Variants in EIF4E observed in about 807,000 individuals in gnomAD.
EIF4E encodes eukaryotic translation initiation factor 4E, also known as eIF-4F 25 kDa subunit.
For missense variants in EIF4E, 113 were observed against 265.6 expected (o/e 0.43, Z 3.99); for synonymous variants, 71 against 88.5 (o/e 0.80, Z 1.11).
At chr4:98,885,363 A>G (rs1247649934) in intron 5 of EIF4E, among the ~76,000 whole-genome samples, 1 of 152,240 alleles carries the variant, frequency 6.6e-6, no homozygotes, top group Non-Finnish European at 1.5e-5. Context: ...GCAAACAAAT[A>G]TTAATAGAAT....
At chr4:98,905,309 C>A (rs192741304) in intron 1 of EIF4E, among the ~76,000 whole-genome samples, 1 of 151,804 alleles carries the variant, frequency 6.6e-6, no homozygotes, top group East Asian at 1.9e-4. Flanking sequence ...AAAGTAAAGG[C>A]TAATTTAGCA....
intron 1 of EIF4E, among the ~76,000 whole-genome samples, chr4:98,926,792 T>A (rs760375790): frequency 1.3e-5 from 2 of 152,180 alleles, no homozygotes; most frequent in Non-Finnish European, 2.9e-5. Context: ...TATAACTTTG[T>A]ATCCTAAAGA....
intron 2 of EIF4E, among the ~76,000 whole-genome samples, chr4:98,899,931 C>A (rs1724576847): frequency 6.7e-6 from 1 of 149,864 alleles, no homozygotes. Flanking sequence ...TGCTATTTTA[C>A]ACAAAAAGTA....
intron 2 of EIF4E, among the ~76,000 whole-genome samples, chr4:98,899,713 G>A (rs1429792196): frequency 6.6e-6 from 1 of 151,928 alleles, no homozygotes; most frequent in Non-Finnish European, 1.5e-5. Context: ...AAAACAATGA[G>A]GTAAAATATG....
At chr4:98,894,005 ATC>A (rs1724260243) in intron 2 of EIF4E, among the ~76,000 whole-genome samples, 3 of 152,230 alleles carry the variant, frequency 2.0e-5, no homozygotes, top group African/African-American at 7.2e-5. Context: ...AAAACAATTC[ATC>A]TCTGTCAGAG....
chr4:98,890,344 C>G (rs1040656332), intron 3 of EIF4E, among the ~76,000 whole-genome samples: 2 of 152,142 alleles, frequency 1.3e-5, no homozygotes, highest in Non-Finnish European at 2.9e-5. Context: ...ATTTAGATAA[C>G]TGCTAGGTAA....
chr4:98,928,300 G>T (rs886726698), intron 1 of EIF4E, among the ~76,000 whole-genome samples: 1 of 151,760 alleles, frequency 6.6e-6, no homozygotes, highest in African/African-American at 2.4e-5. Flanking sequence ...CTCCATGACA[G>T]CCCAGTCCCA....
At chr4:98,922,175 T>A (rs1160188668) in intron 1 of EIF4E, among the ~76,000 whole-genome samples, 2 of 152,192 alleles carry the variant, frequency 1.3e-5, no homozygotes, top group Non-Finnish European at 2.9e-5. Context: ...CTTTGGCTGC[T>A]TTAATTTAAA....
chr4:98,885,167 AAG>A lies in EIF4E; in HGVS notation c.400-108_400-107del, dbSNP rs1579148323. Reference sequence around the variant, plus strand: ...AGAAACTAAAGGCAGTTTTTAAATCAAGAGTTAATTTTTTAAATGTGTAAATT... The same window carrying A: ...AGAAACTAAAGGCAGTTTTTAAATCAAGTTAATTTTTTAAATGTGTAAATT... On this transcript the variant is annotated intron_variant, in intron 5 of 6. Coordinates refer to ENST00000450253, the MANE Select transcript of EIF4E (RefSeq NM_001968.5). 4 of 1,351,482 alleles carry A rather than the reference AAG, an allele frequency of 3.0e-6. No individual in the cohort carries two copies. In the East Asian group the frequency reaches 1.0e-4, roughly 34 times the overall value. The allele number at this position is 1,351,482 out of a possible 1,614,324, so 83.7% of individuals were successfully genotyped here.
chr4:98,898,428 G>A (rs1310623536), intron 2 of EIF4E, among the ~76,000 whole-genome samples: 2 of 152,064 alleles, frequency 1.3e-5, no homozygotes, highest in Non-Finnish European at 2.9e-5. Flanking sequence ...CCAACATGGT[G>A]AAACCCCGTC....
intron 1 of EIF4E, among the ~76,000 whole-genome samples, chr4:98,911,793 T>C (rs553836243): frequency 8.6e-5 from 13 of 151,314 alleles, no homozygotes; most frequent in African/African-American, 2.9e-4. Context: ...GCACATATTA[T>C]ATAGCTTAAG....
chr4:98,907,639 G>A (rs1724929560), intron 1 of EIF4E, among the ~76,000 whole-genome samples: 1 of 152,146 alleles, frequency 6.6e-6, no homozygotes, highest in African/African-American at 2.4e-5. Flanking sequence ...GAGCCATACT[G>A]CAAAATGGGT....
At chr4:98,898,425 G>A (rs1724509225) in intron 2 of EIF4E, among the ~76,000 whole-genome samples, 1 of 152,044 alleles carries the variant, frequency 6.6e-6, no homozygotes, top group Non-Finnish European at 1.5e-5. Flanking sequence ...TGGCCAACAT[G>A]GTGAAACCCC....
chr4:98,892,483 A>G (rs922952666), intron 2 of EIF4E, among the ~76,000 whole-genome samples: 2 of 152,032 alleles, frequency 1.3e-5, no homozygotes, highest in Non-Finnish European at 2.9e-5. Flanking sequence ...GTTCGAGACC[A>G]GCCTGGCCAA....
rs1579162112 is a variant in EIF4E at position 98,898,509 on chromosome 4, G to A, written c.125+3367C>T. Among the ~76,000 whole-genome samples, 5 of 151,876 alleles carry A rather than the reference G, an allele frequency of 3.3e-5. 1 individual carries two copies. The Middle Eastern group carries it at 0.014, about 413-fold the overall frequency. On this transcript the variant is annotated intron_variant, in intron 2 of 6. Transcript: ENST00000450253. ...TGTGGTTCCGGCTACTAGGGAGGCT[G>A]AGGCAGAAGAATCGCTTGAACCCGG...
At chr4:98,909,735 A>G (rs1407936763) in intron 1 of EIF4E, 1 of 706,420 alleles carries the variant, frequency 1.4e-6, no homozygotes, top group Non-Finnish European at 2.6e-6. Flanking sequence ...CACCATCTTC[A>G]GCTCTCATTT....
chr4:98,927,134 G>A (rs907692151), intron 1 of EIF4E, among the ~76,000 whole-genome samples: 1 of 152,124 alleles, frequency 6.6e-6, no homozygotes, highest in Non-Finnish European at 1.5e-5. Context: ...CTTCATTAGT[G>A]TTATGTAATA....
intron 1 of EIF4E, among the ~76,000 whole-genome samples, chr4:98,910,919 C>T (rs113370514): frequency 0.018 from 2,755 of 151,832 alleles, 76 homozygotes; most frequent in African/African-American, 0.063. Context: ...TAAGTAGAGA[C>T]GAGGTTTCAC....
chr4:98,886,711 C>G (rs571411335), intron 5 of EIF4E: 77 of 339,346 alleles, frequency 2.3e-4, no homozygotes, highest in African/African-American at 1.6e-3. Flanking sequence ...GCAAGACCCT[C>G]GCTCTAAAAA....
Sources: allele counts gnomAD v4.1 joint callset (sites outside exome capture counted in the v4.1 genomes callset), GRCh38; gene constraint gnomAD v4.1.1; transcripts MANE v1.5; gene names NCBI Gene and HGNC (gene_info 2026-07-23, HGNC 2026-07-21).